ADGRL4: variants seen among roughly 807,000 people sequenced by gnomAD.
The protein encoded by ADGRL4 is EGF, latrophilin and seven transmembrane domain containing 1.
Under a neutral mutation model 74.8 loss-of-function variants are expected in ADGRL4, and 90 were observed. The observed-to-expected ratio is 1.20, with a 90% CI of 1.02 to 1.43. ADGRL4 has a LOEUF of 1.43. Ranked by LOEUF, ADGRL4 falls within the 40% of genes most tolerant of loss-of-function variation. ADGRL4 has a pLI of 0.00. For missense variants in ADGRL4, 881 were observed against 814.3 expected (o/e 1.08, Z -1.00); for synonymous variants, 311 against 279.2 (o/e 1.11, Z -1.14).
At chr1:78,966,299 C>G (rs1650054772) in intron 2 of ADGRL4, among the ~76,000 whole-genome samples, 1 of 152,082 alleles carries the variant, frequency 6.6e-6, no homozygotes, top group Non-Finnish European at 1.5e-5. Flanking sequence ...TGCGGAAAGT[C>G]CCTGTTTTCC....
chr1:78,956,404 C>A (rs1001624806), intron 2 of ADGRL4, among the ~76,000 whole-genome samples: 7 of 152,130 alleles, frequency 4.6e-5, no homozygotes, highest in Admixed American at 4.6e-4. Context: ...CTGATTACCT[C>A]TAAGCAAGAA....
chr1:78,945,196 A>ATATATATATATATC (rs1553136479), intron 3 of ADGRL4, among the ~76,000 whole-genome samples: 3 of 148,268 alleles, frequency 2.0e-5, no homozygotes, highest in African/African-American at 7.4e-5. Context: ...ATATATATAT[A>ATATATATATATATC]TCTCAATAGG....
At chr1:78,939,450 A>C (rs1394004388) in intron 3 of ADGRL4, among the ~76,000 whole-genome samples, 192 bp from the exon 4 acceptor site, 1 of 152,128 alleles carries the variant, frequency 6.6e-6, no homozygotes, top group Non-Finnish European at 1.5e-5. Flanking sequence ...TTAAGGGCCA[A>C]GAAATGTTAG....
Position 78,891,515 on chromosome 1 carries a change from AT to A in ADGRL4, c.2010+8del, listed in dbSNP as rs748577253. Reference sequence around the variant, plus strand: ...ATACTAGGAACCACCAAAATAAGAAATTGTTTACCTTTCTAGATAAAACACA... The same window carrying A: ...ATACTAGGAACCACCAAAATAAGAAATGTTTACCTTTCTAGATAAAACACA... On this transcript the variant is annotated splice_region_variant and intron_variant, in intron 14 of 14. Transcript: ENST00000370742. The A allele has an allele frequency of 1.2e-5, 20 of 1,608,484 alleles. No individual in the cohort carries two copies. The highest frequency in any genetic ancestry group is 1.6e-5 in the Non-Finnish European group (19 of 1,178,204).
chr1:78,931,238 A>C (rs1649236048), intron 7 of ADGRL4, among the ~76,000 whole-genome samples: 1 of 148,414 alleles, frequency 6.7e-6, no homozygotes, highest in Non-Finnish European at 1.5e-5. Context: ...ACCTCTCAGC[A>C]GAAACTCTGC....
intron 3 of ADGRL4, among the ~76,000 whole-genome samples, chr1:78,941,336 T>C (rs1649475586): frequency 6.6e-6 from 1 of 152,152 alleles, no homozygotes; most frequent in Non-Finnish European, 1.5e-5. Context: ...AAGATGAGTC[T>C]TTTTTAGAGC....
intron 2 of ADGRL4, among the ~76,000 whole-genome samples, chr1:78,965,438 C>T (rs552528763): frequency 6.6e-6 from 1 of 152,028 alleles, no homozygotes; most frequent in Non-Finnish European, 1.5e-5. Flanking sequence ...ACAGTTATTT[C>T]CTGGGAGTTA....
rs554874216 is a variant in ADGRL4, at chr1:78,923,020, A to C, written c.1084-1234T>G. ...GGTCAACAGTTGGAGCACTGAAAAA[A>C]ACTGTGAGTTTGTCTGGAATGAGTC... is the stretch of plus-strand genomic sequence containing the variant. On this transcript the variant is annotated intron_variant, in intron 8 of 14. Coordinates refer to ENST00000370742, the MANE Select transcript of ADGRL4 (RefSeq NM_022159.4). 9.9e-5 allele frequency among the ~76,000 whole-genome samples: 15 copies of C among 152,110 alleles called. No homozygotes were observed. In the South Asian group the frequency reaches 2.9e-3, roughly 29 times the overall value.
At chr1:78,963,969 A>T (rs1213270904) in intron 2 of ADGRL4, among the ~76,000 whole-genome samples, 1 of 152,218 alleles carries the variant, frequency 6.6e-6, no homozygotes, top group East Asian at 1.9e-4. Flanking sequence ...CTAAAGGGTC[A>T]GTTAGAAGTT....
At chr1:78,959,560 T>C (rs1161330873) in intron 2 of ADGRL4, among the ~76,000 whole-genome samples, 2 of 152,190 alleles carry the variant, frequency 1.3e-5, no homozygotes, top group African/African-American at 2.4e-5. Flanking sequence ...TGTGTGTGTT[T>C]ACCTCCTAGG....
intron 2 of ADGRL4, among the ~76,000 whole-genome samples, chr1:78,970,333 C>A (rs1024739654): frequency 6.6e-6 from 1 of 152,162 alleles, no homozygotes; most frequent in Non-Finnish European, 1.5e-5. Flanking sequence ...AGCCATTAAG[C>A]CAATTAAGCC....
intron 2 of ADGRL4, among the ~76,000 whole-genome samples, chr1:78,999,026 A>C (rs892889862): frequency 6.6e-6 from 1 of 152,186 alleles, no homozygotes; most frequent in African/African-American, 2.4e-5. Context: ...GCAAACCTGA[A>C]ACTTACTTAA....
chr1:78,955,662 T>C (rs1260708699), intron 2 of ADGRL4, among the ~76,000 whole-genome samples: 2 of 152,084 alleles, frequency 1.3e-5, no homozygotes, highest in African/African-American at 2.4e-5. Flanking sequence ...TTTTTCATCA[T>C]TATTTTTGCG....
intron 12 of ADGRL4, among the ~76,000 whole-genome samples, chr1:78,895,220 A>C (rs1207206960): frequency 2.0e-5 from 3 of 152,044 alleles, no homozygotes; most frequent in Non-Finnish European, 1.5e-5. Flanking sequence ...AAAAATCACA[A>C]ATATACTGAT....
chr1:78,928,963 G>T (rs1177709408), intron 7 of ADGRL4, among the ~76,000 whole-genome samples: 5 of 151,382 alleles, frequency 3.3e-5, no homozygotes, highest in Non-Finnish European at 7.4e-5. Context: ...GAGAATCATT[G>T]CTCTCAAACT....
At chr1:78,905,414 G>A (rs1168340620) in intron 12 of ADGRL4, among the ~76,000 whole-genome samples, 1 of 152,000 alleles carries the variant, frequency 6.6e-6, no homozygotes, top group African/African-American at 2.4e-5. Context: ...TTTTATGAGA[G>A]CAGATAGCTA....
intron 10 of ADGRL4, among the ~76,000 whole-genome samples, chr1:78,919,296 G>A (rs1384316850): frequency 1.3e-5 from 2 of 151,918 alleles, no homozygotes; most frequent in Non-Finnish European, 2.9e-5. Flanking sequence ...TAAGGCTTCA[G>A]CCGCAGCTGT....
At chr1:78,934,661 A>G (rs909278139) in intron 7 of ADGRL4, among the ~76,000 whole-genome samples, 1 of 152,174 alleles carries the variant, frequency 6.6e-6, no homozygotes, top group Admixed American at 6.6e-5. Context: ...CCATCTGACA[A>G]AGGTCTAATA....
chr1:78,964,404 C>G (rs11799869), intron 2 of ADGRL4, among the ~76,000 whole-genome samples: 2,186 of 152,178 alleles, frequency 0.014, 53 homozygotes, highest in African/African-American at 0.05. Flanking sequence ...AAGTACAAAG[C>G]AGAAAAGGTC....
Sources: gnomAD v4.1 joint callset for allele counts (sites outside exome capture counted in the v4.1 genomes callset) on GRCh38, gnomAD v4.1.1 for gene constraint, MANE v1.5 for transcripts, NCBI Gene and HGNC (gene_info 2026-07-23, HGNC 2026-07-21) for gene names.